The following MEIKIN variants were observed in gnomAD, a reference collection of about 807,000 sequenced individuals.
MEIKIN encodes meiotic kinetochore factor, also known as meiosis-specific kinetochore protein.
chr5:131,827,906 G>A lies in MEIKIN; in HGVS notation c.976-9043C>T, dbSNP rs534506912. On this transcript the variant is annotated intron_variant, in intron 11 of 12. Coordinates refer to ENST00000442687, the MANE Select transcript of MEIKIN (RefSeq NM_001303622.2). ...CAATAAATTCCAAAATAATTTGCCAGGCATGGTGGTGCATGACTGTGGTCC... is the reference window on the plus strand; with the variant it reads ...CAATAAATTCCAAAATAATTTGCCAAGCATGGTGGTGCATGACTGTGGTCC... Among the ~76,000 whole-genome samples the A allele has an allele frequency of 6.6e-5, 10 of 152,164 alleles. No individual in the cohort carries two copies. In the East Asian group the frequency reaches 9.7e-4, roughly 15 times the overall value.
At chr5:131,838,205 C>T (rs1318334230) in intron 11 of MEIKIN, among the ~76,000 whole-genome samples, 1 of 152,080 alleles carries the variant, frequency 6.6e-6, no homozygotes, top group Non-Finnish European at 1.5e-5. Context: ...ATAAAGCCTA[C>T]TTAATTGTGG....
chr5:131,932,985 C>T (rs17132067), intron 5 of MEIKIN, among the ~76,000 whole-genome samples: 4,037 of 152,104 alleles, frequency 0.027, 186 homozygotes, highest in African/African-American at 0.092. Context: ...TTTCAATTAT[C>T]TTTGTCCTTA....
intron 8 of MEIKIN, among the ~76,000 whole-genome samples, chr5:131,882,988 T>C (rs1449716789): frequency 6.6e-6 from 1 of 152,236 alleles, no homozygotes; most frequent in Admixed American, 6.5e-5. Context: ...CTCTTTACCC[T>C]ACCTTATATT....
chr5:131,838,418 A>G (rs1328419241), intron 11 of MEIKIN, among the ~76,000 whole-genome samples: 1 of 152,056 alleles, frequency 6.6e-6, no homozygotes, highest in African/African-American at 2.4e-5. Context: ...TAATAGTTTA[A>G]ATAGAAATGG....
chr5:131,919,054 T>C (rs989070990), intron 6 of MEIKIN, among the ~76,000 whole-genome samples: 1 of 152,114 alleles, frequency 6.6e-6, no homozygotes, highest in Non-Finnish European at 1.5e-5. Context: ...GACAAAATAT[T>C]CATAATATAT....
intron 8 of MEIKIN, among the ~76,000 whole-genome samples, chr5:131,880,386 A>G (rs1220019091): frequency 6.9e-6 from 1 of 145,678 alleles, no homozygotes; most frequent in East Asian, 2.0e-4. Flanking sequence ...TACAGGCGTG[A>G]GCCAACGTGC....
At chr5:131,839,862 T>G (rs1186420460) in intron 11 of MEIKIN, among the ~76,000 whole-genome samples, 1 of 152,210 alleles carries the variant, frequency 6.6e-6, no homozygotes, top group Non-Finnish European at 1.5e-5. Flanking sequence ...AAGGTTCATA[T>G]TGAAATGTAT....
At chr5:131,868,004 T>C (rs1318198620) in intron 9 of MEIKIN, among the ~76,000 whole-genome samples, 1 of 152,232 alleles carries the variant, frequency 6.6e-6, no homozygotes, top group African/African-American at 2.4e-5. Flanking sequence ...TGAGATTTCC[T>C]ATTGCTTCAC....
chr5:131,886,931 T>C, intron 8 of MEIKIN, among the ~76,000 whole-genome samples: 1 of 149,846 alleles, frequency 6.7e-6, no homozygotes, highest in Non-Finnish European at 1.5e-5. Context: ...TAGGTATATC[T>C]CCTAATGCTA....
At chr5:131,872,333 G>A (rs548037420) in intron 9 of MEIKIN, among the ~76,000 whole-genome samples, 6 of 152,288 alleles carry the variant, frequency 3.9e-5, no homozygotes, top group South Asian at 2.1e-4. Context: ...ACCACGGCAC[G>A]AGAACTATGT....
intron 8 of MEIKIN, among the ~76,000 whole-genome samples, chr5:131,879,505 C>A (rs372148267): frequency 6.6e-6 from 1 of 152,216 alleles, no homozygotes; most frequent in African/African-American, 2.4e-5. Flanking sequence ...CTGTTTACTG[C>A]AACTTTTCTA....
chr5:131,861,388 C>CA lies in MEIKIN; in HGVS notation c.775-6555dup, dbSNP rs950472767. ...GGGCAACAGAGAGAGACTCTGTCTTCAAAAAAAAAAGAATAATGTAGTTCC... is the reference window on the plus strand; with the variant it reads ...GGGCAACAGAGAGAGACTCTGTCTTCAAAAAAAAAAAGAATAATGTAGTTCC... On this transcript the variant is annotated intron_variant, in intron 9 of 12. Coordinates refer to ENST00000442687, the MANE Select transcript of MEIKIN (RefSeq NM_001303622.2). Among the ~76,000 whole-genome samples, 36 of 146,474 alleles carry CA rather than the reference C, an allele frequency of 2.5e-4. 1 individual carries two copies. Among genetic ancestry groups the CA allele is most frequent in the East Asian group, 1.4e-3 (7 of 5,042 alleles).
chr5:131,937,033 G>A lies in MEIKIN; in HGVS notation c.350-3392C>T, dbSNP rs115037964. Among the ~76,000 whole-genome samples, 233 of 151,780 alleles carry A rather than the reference G, an allele frequency of 1.5e-3. 1 individual carries two copies. The highest frequency in any genetic ancestry group is 5.4e-3 in the African/African-American group (224 of 41,362). ...ATCTCAATCCATTTGCTCAAATTTG[G>A]ACTGTTTGTCCTCTATGCATCCTAC... On this transcript the variant is annotated intron_variant, in intron 4 of 12. Transcript: ENST00000442687.
chr5:131,886,002 A>G lies in MEIKIN; in HGVS notation c.704-6954T>C, dbSNP rs141003470. On this transcript the variant is annotated intron_variant, in intron 8 of 12. Transcript: ENST00000442687. ...AAAGAAATAAGAAATTCTGGAGTTG[A>G]AAAATGCAACTGACACGTTGAAGAA... 5.8e-3 allele frequency among the ~76,000 whole-genome samples: 888 copies of G among 152,352 alleles called. 8 individuals carry two copies. Among genetic ancestry groups the G allele is most frequent in the African/African-American group, 0.021 (860 of 41,574 alleles).
At position 131,890,346 on chromosome 5, in the gene MEIKIN, G is replaced by C. The variant is rs148829995; in HGVS notation, c.704-11298C>G. ...ATCTGGTCCTGGACTTTTTTTGGTT[G>C]GTAAGCTATTAATTATTGCCTCAAT... is the stretch of plus-strand genomic sequence containing the variant. On this transcript the variant is annotated intron_variant, in intron 8 of 12. Coordinates refer to ENST00000442687, the MANE Select transcript of MEIKIN (RefSeq NM_001303622.2). 2.8e-4 allele frequency among the ~76,000 whole-genome samples: 42 copies of C among 152,182 alleles called. No homozygotes were observed. In the South Asian group the frequency reaches 8.7e-3, roughly 32 times the overall value.
At chr5:131,927,253 A>C (rs1751602047) in intron 5 of MEIKIN, among the ~76,000 whole-genome samples, 2 of 152,232 alleles carry the variant, frequency 1.3e-5, no homozygotes, top group South Asian at 4.1e-4. Flanking sequence ...GAGTATGTTA[A>C]ATTTCCACAT....
chr5:131,882,116 G>T (rs184819914), intron 8 of MEIKIN, among the ~76,000 whole-genome samples: 180 of 151,956 alleles, frequency 1.2e-3, no homozygotes, highest in African/African-American at 4.0e-3. Flanking sequence ...ACAAATTCCT[G>T]GTATATCTGC....
chr5:131,812,239 CTT>C (rs1772971815), intron 12 of MEIKIN, among the ~76,000 whole-genome samples: 1 of 152,154 alleles, frequency 6.6e-6, no homozygotes, highest in South Asian at 2.1e-4. Flanking sequence ...TTGCATATAA[CTT>C]TATATTGTTG....
At chr5:131,897,959 C>T (rs773756944) in intron 8 of MEIKIN, among the ~76,000 whole-genome samples, 5 of 152,126 alleles carry the variant, frequency 3.3e-5, no homozygotes, top group Admixed American at 6.5e-5. Context: ...CGAGGAGATG[C>T]GATCCTTTGG....
Sources: gnomAD v4.1 joint callset for allele counts (sites outside exome capture counted in the v4.1 genomes callset) on GRCh38, gnomAD v4.1.1 for gene constraint, MANE v1.5 for transcripts, NCBI Gene and HGNC (gene_info 2026-07-23, HGNC 2026-07-21) for gene names.